The following SART1 variants were observed in gnomAD, a reference collection of about 807,000 sequenced individuals.
The protein encoded by SART1 is spliceosome associated factor 1, recruiter of U4/U6.U5 tri-snRNP.
SART1 carries 28 observed loss-of-function variants against 105.0 expected under a neutral mutation model. That is an observed-to-expected ratio of 0.27 (90% confidence interval 0.20 to 0.37). The LOEUF (loss-of-function observed/expected upper bound fraction) is 0.37. Ranked by LOEUF, SART1 falls within the 10% of genes least tolerant of loss-of-function variation. The pLI, the probability that SART1 is intolerant of heterozygous loss-of-function variation, is 1.00. For synonymous variants in SART1, 472 were observed against 462.9 expected, an observed-to-expected ratio of 1.02 and a Z score of -0.25; for missense variants, 894 against 1,106.5, an observed-to-expected ratio of 0.81 and a Z score of 2.72.
chr11:65,975,678 TGAATG>T (rs1440686802), intron 12 of SART1, among the ~76,000 whole-genome samples: 1 of 152,000 alleles, frequency 6.6e-6, no homozygotes, highest in Non-Finnish European at 1.5e-5. Context: ...TTTAAAAAAA[TGAATG>T]TAATATAAAA....
At chr11:65,975,323 G>A (rs570767360) in intron 12 of SART1, among the ~76,000 whole-genome samples, 44 of 151,168 alleles carry the variant, frequency 2.9e-4, no homozygotes, top group Non-Finnish European at 4.7e-4. Context: ...GGCTGGTCTC[G>A]AACTCCTGGG....
intron 12 of SART1, among the ~76,000 whole-genome samples, chr11:65,968,445 G>A (rs1855307241): frequency 6.6e-6 from 1 of 152,192 alleles, no homozygotes; most frequent in African/African-American, 2.4e-5. Flanking sequence ...TTTCTAGAGT[G>A]TGTGGGGGAG....
rs558227079 is a variant in SART1 at position 65,967,734 on chromosome 11, G to A, written c.1485G>A (p.Ala495=). ...GSPQVLEEDE[A]ELELQKQLEK... ...CGCAGGTGCTGGAGGAGGACGAGGC[G>A]GAGCTGGAGCTGCAGAAGCAGCTGG... Residue 495 remains alanine (A), a synonymous_variant, in exon 12 of 20, where the codon GCG becomes GCA. Transcript: ENST00000312397. The A allele has an allele frequency of 4.4e-5, 69 of 1,554,486 alleles. No homozygotes were observed. The highest frequency in any genetic ancestry group is 1.9e-4 in the East Asian group (8 of 41,694).
At chr11:65,973,034 C>T (rs1053602703) in intron 12 of SART1, among the ~76,000 whole-genome samples, 9 of 151,972 alleles carry the variant, frequency 5.9e-5, no homozygotes, top group Admixed American at 2.6e-4. Context: ...ATTAACCAGA[C>T]GTGGTGGCGG....
In SART1 at chr11:65,977,786, CGGAG is replaced by C; in HGVS notation, c.2065_2068del (p.Glu689AsnfsTer52). 1 of 1,613,896 alleles carries C rather than the reference CGGAG, an allele frequency of 6.2e-7. No homozygotes were observed. Among genetic ancestry groups the C allele is most frequent in the Non-Finnish European group, 8.5e-7 (1 of 1,179,990 alleles). On this transcript the variant is annotated frameshift_variant, in exon 17 of 20. Coordinates refer to ENST00000312397, the MANE Select transcript of SART1 (RefSeq NM_005146.5). LOFTEE classifies it high-confidence loss of function. ...CAGGGCCATCGATGACAAGTACAGC[CGGAG>C]GGAGGAATACCGAGGCTTCACACAG...
In SART1 at chr11:65,976,822, G is replaced by C; in HGVS notation, c.1857+56G>C. The C allele has an allele frequency of 2.8e-6, 4 of 1,438,272 alleles. No homozygotes were observed. The highest frequency in any genetic ancestry group is 3.8e-6 in the Non-Finnish European group (4 of 1,046,486). 89.1% of individuals were successfully genotyped at this position (1,438,272 alleles called of 1,614,324 possible). A position where few individuals can be genotyped will look rare whatever the true frequency, so the allele number is the denominator to read the frequency against. On this transcript the variant is annotated intron_variant, in intron 14 of 19. Coordinates refer to ENST00000312397, the MANE Select transcript of SART1 (RefSeq NM_005146.5). The surrounding 1 kb of genome is among the most constrained non-coding windows in gnomAD (Gnocchi z 5.1). The stretch of plus-strand genomic sequence containing the variant: ...TTGGGGGTGCTCAAGCTGGAGATGA[G>C]CACCGGGCTCGGTGTCCAGAGCCTC...
chr11:65,972,980 T>C (rs559670827), intron 12 of SART1, among the ~76,000 whole-genome samples: 66 of 152,056 alleles, frequency 4.3e-4, no homozygotes, highest in Admixed American at 1.4e-3. Context: ...ACCATCCTGG[T>C]CAACACAGTG....
At chr11:65,973,065 T>C (rs1000007881) in intron 12 of SART1, among the ~76,000 whole-genome samples, 1 of 151,528 alleles carries the variant, frequency 6.6e-6, no homozygotes, top group Non-Finnish European at 1.5e-5. Context: ...TCCCAGCTAC[T>C]AGGGAGGCTG....
In SART1 at chr11:65,962,093, G is replaced by A; in HGVS notation, c.313G>A (p.Ala105Thr). 1.4e-6 allele frequency: 2 copies of A among 1,458,346 alleles called. No homozygotes were observed. The highest frequency in any genetic ancestry group is 1.5e-5 in the African/African-American group (1 of 67,338). 90.3% of individuals were successfully genotyped at this position (1,458,346 alleles called of 1,614,324 possible). A position where few individuals can be genotyped will look rare whatever the true frequency, so the allele number is the denominator to read the frequency against. ...GAAGCGCGATGACGGCTACGAGGCCGGTGAGGAGGCGGGGCCTGCGCAGGG... is the reference window on the plus strand; with the variant it reads ...GAAGCGCGATGACGGCTACGAGGCCAGTGAGGAGGCGGGGCCTGCGCAGGG... ...REKRDDGYEA[A>T]ASSKTSSGDA... Residue 105 changes from alanine to threonine, a missense_variant and splice_region_variant, in exon 1 of 20, where the codon GCT (alanine) becomes ACT (threonine). Ala to Thr is a moderately conservative substitution (Grantham distance 58). Transcript: ENST00000312397.
rs754425810 is a variant in SART1 at position 65,965,409 on chromosome 11, C to T, written c.622C>T (p.Arg208Trp). The change falls in exon 5 of 20, where the codon CGG becomes TGG. Residue 208 changes from arginine to tryptophan, a missense_variant. By Grantham distance (101) the Arg-to-Trp change is moderately radical (BLOSUM62 -3). Transcript: ENST00000312397. Reference sequence around the variant, plus strand: ...CACTGCAGCCTGGATCGAGAGGAGCCGGCAGCTGCAGAAGGAGAAGGACCT... The same window carrying T: ...CACTGCAGCCTGGATCGAGAGGAGCTGGCAGCTGCAGAAGGAGAAGGACCT... ...DDTAAWIERS[R>W]QLQKEKDLAE... The T allele has an allele frequency of 1.8e-5, 28 of 1,569,614 alleles. No individual in the cohort carries two copies. Among genetic ancestry groups the T allele is most frequent in the East Asian group, 7.1e-5 (3 of 42,170 alleles).
At chr11:65,969,661 C>T (rs951009319) in intron 12 of SART1, among the ~76,000 whole-genome samples, 8 of 152,188 alleles carry the variant, frequency 5.3e-5, no homozygotes, top group South Asian at 2.1e-4. Flanking sequence ...ACGATCCTCT[C>T]GCCTCCACCT....
chr11:65,969,127 C>T lies in SART1; in HGVS notation c.1572+1306C>T, dbSNP rs1188415348. ...GAGTTGAAAAAGTGAGGGCTGAACC[C>T]GGGACGGAGGCCAGGCTTACTGTTG... On this transcript the variant is annotated intron_variant, in intron 12 of 19. Transcript: ENST00000312397. Among the ~76,000 whole-genome samples, 3 of 152,062 alleles carry T rather than the reference C, an allele frequency of 2.0e-5. 1 individual carries two copies. Among genetic ancestry groups the T allele is most frequent in the Admixed American group, 1.3e-4 (2 of 15,260 alleles).
At chr11:65,965,289 G>A in intron 4 of SART1, 53 bp from the exon 5 acceptor site, 1 of 1,603,858 alleles carries the variant, frequency 6.2e-7, no homozygotes. Context: ...CCTCTTGAGT[G>A]GGGTGGGGAG....
At chr11:65,962,197 C>A in intron 1 of SART1, 104 bp downstream of exon 1, 1 of 870,732 alleles carries the variant, frequency 1.1e-6, no homozygotes, top group Non-Finnish European at 1.6e-6. Flanking sequence ...GGCCAGGAAA[C>A]CCCCAAGCTG....
intron 12 of SART1, among the ~76,000 whole-genome samples, chr11:65,972,508 G>T (rs1260143990): frequency 6.6e-6 from 1 of 152,160 alleles, no homozygotes; most frequent in Non-Finnish European, 1.5e-5. Context: ...TAAGTTGTCA[G>T]CATAGCCAAG....
chr11:65,964,487 C>A (rs2134902805), intron 2 of SART1, 28 bp from the exon 3 acceptor site: 1 of 1,613,030 alleles, frequency 6.2e-7, no homozygotes, highest in East Asian at 2.2e-5. Context: ...CTTTAATAGC[C>A]CCTAACACTT....
At chr11:65,977,198 C>G in intron 15 of SART1, 97 bp downstream of exon 15, 2 of 862,742 alleles carry the variant, frequency 2.3e-6, no homozygotes, top group East Asian at 5.1e-5. Context: ...CCCTTTCTCT[C>G]AGTCCCAATG....
intron 12 of SART1, among the ~76,000 whole-genome samples, chr11:65,973,450 G>A (rs927931565): frequency 6.6e-6 from 1 of 152,186 alleles, no homozygotes; most frequent in Non-Finnish European, 1.5e-5. Flanking sequence ...ATCACAGAAA[G>A]GTGAACCAAA....
chr11:65,962,213 C>T (rs1855160383), intron 1 of SART1, 120 bp downstream of exon 1: 1 of 746,406 alleles, frequency 1.3e-6, no homozygotes, highest in East Asian at 3.3e-5. Context: ...AGCTGTTTAC[C>T]AGCTCTATTA....
Sources: allele counts gnomAD v4.1 joint callset (sites outside exome capture counted in the v4.1 genomes callset), GRCh38; gene constraint gnomAD v4.1.1; non-coding constraint Gnocchi (gnomAD v3.1); transcripts MANE v1.5; gene names NCBI Gene and HGNC (gene_info 2026-07-23, HGNC 2026-07-21).